Variants in NVL observed in about 807,000 individuals in gnomAD.
NVL encodes the protein nuclear valosin-containing protein-like.
NVL carries 84 observed loss-of-function variants against 110.2 expected under a neutral mutation model. That is an observed-to-expected ratio of 0.76 (90% CI 0.64 to 0.91). The LOEUF (loss-of-function observed/expected upper bound fraction) is 0.91, where lower values mean the gene tolerates loss of function less well. Among genes scored for constraint, NVL ranks in the 40% least tolerant of loss-of-function variants. The probability of loss-of-function intolerance (pLI) is 0.00; values close to 1 mark genes in which losing one functional copy is unlikely to be tolerated. For missense variants in NVL, 882 were observed against 1,035.9 expected (o/e 0.85, Z 2.04); for synonymous variants, 354 against 361.1 (o/e 0.98, Z 0.22).
chr1:224,301,652 T>G, intron 9 of NVL: 1 of 338,064 alleles, frequency 3.0e-6, no homozygotes, highest in Non-Finnish European at 5.8e-6. Flanking sequence ...AATAATAAAT[T>G]AGCCAGGCAT....
chr1:224,291,763 C>T (rs556601996), intron 12 of NVL, among the ~76,000 whole-genome samples: 3 of 152,226 alleles, frequency 2.0e-5, no homozygotes, highest in Non-Finnish European at 4.4e-5. Flanking sequence ...AACTATAAGC[C>T]AAAGCATTGT....
At chr1:224,271,266 G>A (rs1455926328) in intron 17 of NVL, among the ~76,000 whole-genome samples, 2 of 152,206 alleles carry the variant, frequency 1.3e-5, no homozygotes, top group Non-Finnish European at 2.9e-5. Context: ...GCTGAGGCAG[G>A]AGGATCGCTT....
chr1:224,290,024 G>A (rs1334647828), intron 12 of NVL, among the ~76,000 whole-genome samples: 2 of 152,028 alleles, frequency 1.3e-5, no homozygotes, highest in East Asian at 1.9e-4. Flanking sequence ...AACATTACAG[G>A]GGAAATAAGA....
intron 9 of NVL, among the ~76,000 whole-genome samples, chr1:224,302,230 C>A (rs1351297032): frequency 6.6e-6 from 1 of 151,534 alleles, no homozygotes; most frequent in Non-Finnish European, 1.5e-5. Flanking sequence ...GAGATAGAGT[C>A]TGGCTCTTGT....
intron 18 of NVL, among the ~76,000 whole-genome samples, chr1:224,265,546 A>T (rs1159025027): frequency 6.6e-6 from 1 of 152,126 alleles, no homozygotes; most frequent in Non-Finnish European, 1.5e-5. Flanking sequence ...ACAAACTTAA[A>T]ATATGGTGCG....
chr1:224,233,790 C>A (rs923664683), intron 20 of NVL, among the ~76,000 whole-genome samples: 1 of 151,928 alleles, frequency 6.6e-6, no homozygotes, highest in African/African-American at 2.4e-5. Context: ...AAAAACTAAA[C>A]TCAAGAAGAA....
chr1:224,252,056 A>G (rs955092154), intron 18 of NVL, among the ~76,000 whole-genome samples: 3 of 152,008 alleles, frequency 2.0e-5, no homozygotes, highest in Non-Finnish European at 2.9e-5. Flanking sequence ...TTCTGGTTTT[A>G]TTCTTCCTAC....
At chr1:224,231,180 T>C in intron 22 of NVL, 46 bp downstream of exon 22, 1 of 1,358,016 alleles carries the variant, frequency 7.4e-7, no homozygotes, top group Non-Finnish European at 1.0e-6. Context: ...TCTACTGGTC[T>C]AAAATTCTAG....
chr1:224,270,600 T>A (rs1019672699), intron 17 of NVL, among the ~76,000 whole-genome samples: 2 of 151,960 alleles, frequency 1.3e-5, no homozygotes, highest in Non-Finnish European at 2.9e-5. Context: ...TAATATTCTA[T>A]ATAATAAAAT....
chr1:224,309,661 C>T (rs1158093724), intron 5 of NVL, among the ~76,000 whole-genome samples: 3 of 152,078 alleles, frequency 2.0e-5, no homozygotes, highest in Non-Finnish European at 1.5e-5. Context: ...CAATGAACCT[C>T]AATGGAAAAT....
intron 17 of NVL, among the ~76,000 whole-genome samples, chr1:224,274,359 G>A (rs1465268468): frequency 6.6e-6 from 1 of 151,994 alleles, no homozygotes; most frequent in African/African-American, 2.4e-5. Context: ...TTGTGGCCAG[G>A]CATGGTGGCT....
In NVL at chr1:224,231,296, C is replaced by T. The variant is rs372135543; in HGVS notation, c.2456G>A (p.Gly819Asp). 6.8e-6 allele frequency: 11 copies of T among 1,610,372 alleles called. No individual in the cohort carries two copies. Among genetic ancestry groups the T allele is most frequent in the African/African-American group, 4.0e-5 (3 of 74,858 alleles). ...ATGCTTATGACTAACCTTGAGTTCA[C>T]CTATGGAGTAAATGCACAAATATAC... ...MARQKSGNEK[G>D]ELKVSHKHFE... The change falls in exon 22 of 23, where the codon GGT becomes GAT. Residue 819 changes from glycine (G) to aspartate (D), a missense_variant and splice_region_variant. Around this residue, in one of 4 missense-constraint regions of NVL, gnomAD observed 126 missense variants for 140.7 expected, o/e 0.90. Transcript: ENST00000281701.
chr1:224,245,722 G>A (rs562625030), intron 19 of NVL, among the ~76,000 whole-genome samples: 2 of 152,132 alleles, frequency 1.3e-5, no homozygotes, highest in Admixed American at 6.5e-5. Flanking sequence ...TTGAGAGGCC[G>A]AGGTGGGTGG....
At chr1:224,252,841 C>A (rs1015116965) in intron 18 of NVL, among the ~76,000 whole-genome samples, 18 of 152,190 alleles carry the variant, frequency 1.2e-4, no homozygotes, top group African/African-American at 4.3e-4. Flanking sequence ...TCCTTTGTAA[C>A]CTTTCTCTCC....
chr1:224,268,528 G>C (rs1053655197), intron 17 of NVL, among the ~76,000 whole-genome samples: 2 of 152,140 alleles, frequency 1.3e-5, no homozygotes, highest in Non-Finnish European at 2.9e-5. Flanking sequence ...TAGAGATGGG[G>C]TCTTGCTATG....
chr1:224,326,887 T>TG lies in NVL; in HGVS notation c.58-424dup, dbSNP rs556499714. On this transcript the variant is annotated intron_variant, in intron 1 of 22. Coordinates refer to ENST00000281701, the MANE Select transcript of NVL (RefSeq NM_002533.4). The stretch of plus-strand genomic sequence containing the variant: ...TTTCAATATTAAATCACCTTTTGGC[T>TG]GGGCATGGTGGCTCATATCTGTAAT... 2.8e-3 allele frequency among the ~76,000 whole-genome samples: 422 copies of TG among 152,288 alleles called. 1 individual carries two copies. Among genetic ancestry groups the TG allele is most frequent in the African/African-American group, 9.4e-3 (390 of 41,554 alleles).
At chr1:224,289,216 G>A (rs1182276810) in intron 13 of NVL, 16 of 385,730 alleles carry the variant, frequency 4.1e-5, no homozygotes, top group East Asian at 2.5e-4. Flanking sequence ...ACAAAAACAC[G>A]TGGTGGGTGG....
At chr1:224,252,702 G>A (rs1464046225) in intron 18 of NVL, among the ~76,000 whole-genome samples, 23 of 152,142 alleles carry the variant, frequency 1.5e-4, no homozygotes, top group Non-Finnish European at 2.2e-4. Flanking sequence ...GAATATTACT[G>A]CATAACACTT....
intron 10 of NVL, among the ~76,000 whole-genome samples, chr1:224,298,017 A>G (rs970396165): frequency 6.7e-6 from 1 of 149,886 alleles, no homozygotes; most frequent in African/African-American, 2.5e-5. Context: ...AGCCTGGACA[A>G]CAGAGAGATA....
Sources: allele counts gnomAD v4.1 joint callset (sites outside exome capture counted in the v4.1 genomes callset), GRCh38; gene constraint gnomAD v4.1.1; regional missense constraint gnomAD v4.1.1; transcripts MANE v1.5; gene names NCBI Gene and HGNC (gene_info 2026-07-23, HGNC 2026-07-21).